The following CELF2 variants were observed in gnomAD, a reference collection of about 807,000 sequenced individuals.
CELF2 encodes CUG triplet repeat RNA-binding protein 2.
CELF2 carries 8 observed loss-of-function variants against 62.6 expected under a neutral mutation model. The observed-to-expected ratio is 0.13, with a 90% CI of 0.07 to 0.23. The LOEUF (loss-of-function observed/expected upper bound fraction) is 0.23, where lower values mean the gene tolerates loss of function less well. Among genes scored for constraint, CELF2 ranks in the 10% least tolerant of loss-of-function variants. CELF2 has a pLI of 1.00. For synonymous variants in CELF2, 258 were observed against 250.0 expected, an observed-to-expected ratio of 1.03 and a Z score of -0.30; for missense variants, 333 against 671.0, an observed-to-expected ratio of 0.50 and a Z score of 5.56.
intron 1 of CELF2, among the ~76,000 whole-genome samples, chr10:11,120,698 G>A (rs1201681351): frequency 6.6e-6 from 1 of 152,206 alleles, no homozygotes; most frequent in Non-Finnish European, 1.5e-5. Context: ...CATCTAGGGA[G>A]TGCTTAATTT....
At chr10:11,202,622 A>G (rs2059460870) in intron 2 of CELF2, among the ~76,000 whole-genome samples, 1 of 152,216 alleles carries the variant, frequency 6.6e-6, no homozygotes, top group Non-Finnish European at 1.5e-5. Flanking sequence ...ACTTGCTCTC[A>G]CTAACATCGA....
At chr10:10,547,692 A>AGAGAGAGTGTGTGTGTGT in the CELF2 span, among the ~76,000 whole-genome samples, 7 of 138,110 alleles carry the variant, frequency 5.1e-5, no homozygotes, top group African/African-American at 1.7e-4. Context: ...AGAGAGAGAG[A>AGAGAGAGTGTGTGTGTGT]GTGTGTGTGT....
At chr10:11,216,307 A>C (rs181816894) in intron 2 of CELF2, among the ~76,000 whole-genome samples, 11 of 152,172 alleles carry the variant, frequency 7.2e-5, no homozygotes, top group African/African-American at 2.6e-4. Flanking sequence ...ATTATACTTT[A>C]TTTTCCCCCT....
chr10:10,852,329 A>G (rs538439449), intron 1 of CELF2, among the ~76,000 whole-genome samples: 1 of 152,360 alleles, frequency 6.6e-6, no homozygotes, highest in East Asian at 1.9e-4. Flanking sequence ...ACTGAATGAA[A>G]AAAGCCAATT....
At chr10:11,323,478 C>T (rs2095559423) in intron 11 of CELF2, among the ~76,000 whole-genome samples, 1 of 148,056 alleles carries the variant, frequency 6.8e-6, no homozygotes, top group South Asian at 2.3e-4. Flanking sequence ...TCCAGATTTT[C>T]TACTCCACAG....
chr10:11,038,680 A>G (rs1435705340), intron 1 of CELF2, among the ~76,000 whole-genome samples: 2 of 152,232 alleles, frequency 1.3e-5, no homozygotes, highest in East Asian at 1.9e-4. Context: ...TACACATTAC[A>G]CATATATATT....
At chr10:11,058,757 C>T (rs1240017400) in intron 1 of CELF2, among the ~76,000 whole-genome samples, 6 of 151,844 alleles carry the variant, frequency 4.0e-5, no homozygotes, top group South Asian at 2.1e-4. Flanking sequence ...CATGACCCAC[C>T]GCGCCCGGGC....
intron 1 of CELF2, 66 bp downstream of exon 1, chr10:11,018,229 G>A (rs1424453795): frequency 2.6e-5 from 36 of 1,385,052 alleles, no homozygotes; most frequent in Non-Finnish European, 2.3e-5. Context: ...GCGGCGCGAA[G>A]GGGACGGGCG....
chr10:10,896,698 G>A (rs905460904), intron 1 of CELF2, among the ~76,000 whole-genome samples: 6 of 152,144 alleles, frequency 3.9e-5, no homozygotes, highest in African/African-American at 1.2e-4. Flanking sequence ...GAAGAGACAA[G>A]ATGTTACTCC....
intron 2 of CELF2, among the ~76,000 whole-genome samples, chr10:11,209,278 A>G (rs755814756): frequency 3.3e-5 from 5 of 152,104 alleles, no homozygotes; most frequent in Non-Finnish European, 5.9e-5. Flanking sequence ...GTTCACTTGT[A>G]TCTAGCACTC....
At chr10:10,723,166 G>A in the CELF2 span, among the ~76,000 whole-genome samples, 8 of 152,220 alleles carry the variant, frequency 5.3e-5, no homozygotes, top group South Asian at 2.1e-4. Flanking sequence ...TAAATTCATC[G>A]TTTTTTTGTA....
chr10:10,574,872 G>GCT, the CELF2 span, among the ~76,000 whole-genome samples: 926 of 105,874 alleles, frequency 8.7e-3, 85 homozygotes, highest in African/African-American at 0.012. Flanking sequence ...ACCATGCCTG[G>GCT]TTTTTTTTTT....
intron 1 of CELF2, among the ~76,000 whole-genome samples, chr10:10,859,690 A>G (rs555332230): frequency 6.6e-6 from 1 of 152,328 alleles, no homozygotes; most frequent in South Asian, 2.1e-4. Flanking sequence ...TCGAAGATCT[A>G]GCAGTCAGGC....
At chr10:10,514,061 A>C in the CELF2 span, among the ~76,000 whole-genome samples, 1 of 152,162 alleles carries the variant, frequency 6.6e-6, no homozygotes, top group Admixed American at 6.6e-5. Context: ...GGAGCCGTCC[A>C]CTCTGGGTAG....
intron 1 of CELF2, among the ~76,000 whole-genome samples, chr10:11,028,950 G>A (rs944539972): frequency 6.6e-6 from 1 of 152,198 alleles, no homozygotes; most frequent in Non-Finnish European, 1.5e-5. Flanking sequence ...CTGACCTCAA[G>A]TGGTGAGTCC....
At chr10:10,844,473 A>T (rs1435575424) in intron 1 of CELF2, among the ~76,000 whole-genome samples, 1 of 152,148 alleles carries the variant, frequency 6.6e-6, no homozygotes, top group Non-Finnish European at 1.5e-5. Context: ...ATGAACATAG[A>T]TAGTACAGAA....
the CELF2 span, among the ~76,000 whole-genome samples, chr10:10,583,835 A>G: frequency 6.6e-6 from 1 of 152,190 alleles, no homozygotes; most frequent in Non-Finnish European, 1.5e-5. Context: ...AGGAAAGATG[A>G]GGGTGTAACT....
chr10:11,273,666 A>T lies in CELF2; in HGVS notation c.778-1391A>T, dbSNP rs559501058. Among the ~76,000 whole-genome samples the T allele has an allele frequency of 2.6e-5, 4 of 152,222 alleles. No homozygotes were observed. The East Asian group carries it at 7.7e-4, about 29-fold the overall frequency. ...GAAAGACCTGGACTTCCCCAGAGGA[A>T]CGGTGTTCTGGATTGTTTCACGAGC... On this transcript the variant is annotated intron_variant, in intron 7 of 12. Coordinates refer to ENST00000633077, the MANE Select transcript of CELF2 (RefSeq NM_001326342.2).
chr10:10,537,741 T>A, the CELF2 span, among the ~76,000 whole-genome samples: 1 of 152,076 alleles, frequency 6.6e-6, no homozygotes, highest in Non-Finnish European at 1.5e-5. Context: ...TGAGTCTAGA[T>A]AACCCAGCTC....
Sources: allele counts gnomAD v4.1 joint callset (sites outside exome capture counted in the v4.1 genomes callset), GRCh38; gene constraint gnomAD v4.1.1; transcripts MANE v1.5; gene names NCBI Gene and HGNC (gene_info 2026-07-23, HGNC 2026-07-21).